The following RAB4B variants were observed in gnomAD, a reference collection of about 807,000 sequenced individuals.
RAB4B encodes RAB4B, member RAS oncogene family.
In RAB4B, 15 loss-of-function variants were observed where a neutral mutation model predicts 28.3. That is an observed-to-expected ratio of 0.53 (90% confidence interval 0.35 to 0.82). The LOEUF is 0.82. RAB4B is among the 40% of genes least tolerant of loss of function. The pLI is 0.01. For synonymous variants in RAB4B, 108 were observed against 116.3 expected (o/e 0.93, Z 0.46); for missense variants, 244 against 288.5 (o/e 0.85, Z 1.12).
intron 7 of RAB4B, among the ~76,000 whole-genome samples, chr19:40,790,519 C>T (rs533520274): frequency 8.5e-5 from 12 of 140,508 alleles, no homozygotes; most frequent in South Asian, 4.6e-4. Context: ...TACAGGCACC[C>T]GTCACCATGC....
At position 40,780,431 on chromosome 19, in the gene RAB4B, G is replaced by C; in HGVS notation, c.144G>C (p.Arg48=). The change falls in exon 3 of 8, where the codon CGG becomes CGC. Residue 48 remains arginine, a synonymous_variant. Transcript: ENST00000357052. ...NHTIGVEFGS[R]VVNVGGKTVK... ...CAATCGGCGTGGAGTTTGGATCCCGGGTGGTCAACGTGGGTGGGAAGACTG... is the reference window on the plus strand; with the variant it reads ...CAATCGGCGTGGAGTTTGGATCCCGCGTGGTCAACGTGGGTGGGAAGACTG... The C allele has an allele frequency of 6.2e-7, 1 of 1,613,644 alleles. No individual in the cohort carries two copies.
intron 7 of RAB4B, among the ~76,000 whole-genome samples, chr19:40,790,579 T>C (rs2083148212): frequency 6.6e-6 from 1 of 151,514 alleles, no homozygotes; most frequent in East Asian, 1.9e-4. Context: ...TTCACGGTGT[T>C]AGCCAGGATG....
At chr19:40,786,080 G>T (rs1383022173) in intron 5 of RAB4B, 1 of 143,006 alleles carries the variant, frequency 7.0e-6, no homozygotes, top group Non-Finnish European at 1.4e-5. Context: ...GGGATGGGGG[G>T]CAAGGGCAGA....
At chr19:40,793,386 C>T (rs981875969) in intron 7 of RAB4B, among the ~76,000 whole-genome samples, 3 of 151,784 alleles carry the variant, frequency 2.0e-5, no homozygotes, top group Admixed American at 1.3e-4. Context: ...TGGTGTGCAC[C>T]ACCACGCCCA....
At chr19:40,782,527 A>G (rs2083058420) in intron 3 of RAB4B, among the ~76,000 whole-genome samples, 2 of 152,162 alleles carry the variant, frequency 1.3e-5, no homozygotes, top group African/African-American at 4.8e-5. Context: ...AGGGAATTAA[A>G]TAGGGCCAGG....
At chr19:40,782,488 TGAAAC>T (rs1159401499) in intron 3 of RAB4B, among the ~76,000 whole-genome samples, 4 of 150,294 alleles carry the variant, frequency 2.7e-5, no homozygotes, top group Admixed American at 1.3e-4. Context: ...GCCACAGAGA[TGAAAC>T]AAACAAACAA....
At chr19:40,779,840 A>C (rs1346699749) in intron 1 of RAB4B, 179 bp from the exon 2 acceptor site, 1 of 1,409,346 alleles carries the variant, frequency 7.1e-7, no homozygotes, top group East Asian at 2.6e-5. Context: ...TGCCTGGCAC[A>C]TGGCAAGTAC....
At chr19:40,795,172 A>T (rs1279673793) in intron 7 of RAB4B, among the ~76,000 whole-genome samples, 1 of 146,538 alleles carries the variant, frequency 6.8e-6, no homozygotes, top group Non-Finnish European at 1.5e-5. Context: ...CCATCTCCAA[A>T]AAAAAAAAAA....
chr19:40,791,656 G>T (rs1438529728), intron 7 of RAB4B, among the ~76,000 whole-genome samples: 1 of 150,660 alleles, frequency 6.6e-6, no homozygotes, highest in Non-Finnish European at 1.5e-5. Context: ...GTTTTTTTTT[G>T]AGATAGAGTC....
At chr19:40,789,635 C>T (rs2083138647) in intron 7 of RAB4B, among the ~76,000 whole-genome samples, 1 of 151,896 alleles carries the variant, frequency 6.6e-6, no homozygotes, top group African/African-American at 2.4e-5. Flanking sequence ...TCCCGAGTAG[C>T]TGGGACTATA....
chr19:40,780,378 C>T lies in RAB4B; in HGVS notation c.98-7C>T, dbSNP rs771219317. ...TGTACTGCCCCTTCTGTTCCTCCTA[C>T]TCCCAGTCAAACAGGACTCCAACCA... On this transcript the variant is annotated splice_polypyrimidine_tract_variant and splice_region_variant and intron_variant, in intron 2 of 7. Transcript: ENST00000357052. The T allele has an allele frequency of 5.5e-5, 88 of 1,600,918 alleles. No homozygotes were observed. Among genetic ancestry groups the T allele is most frequent in the Non-Finnish European group, 7.2e-5 (85 of 1,173,504 alleles).
Position 40,778,319 on chromosome 19 carries a change from G to A in RAB4B, c.-57G>A, listed in dbSNP as rs976660701. Reference sequence around the variant, plus strand: ...AGCCGGAGTGGAGCGGCTGCCAGCCGAGGAGCAGGCGCGGCCGCGGCGCCA... The same window carrying A: ...AGCCGGAGTGGAGCGGCTGCCAGCCAAGGAGCAGGCGCGGCCGCGGCGCCA... On this transcript the variant is annotated 5_prime_UTR_variant, in exon 1 of 8. Coordinates refer to ENST00000357052, the MANE Select transcript of RAB4B (RefSeq NM_016154.5). 2 of 1,480,012 alleles carry A rather than the reference G, an allele frequency of 1.4e-6. No individual in the cohort carries two copies. The highest frequency in any genetic ancestry group is 2.4e-5 in the Admixed American group (1 of 41,684). 91.7% of individuals were successfully genotyped at this position (1,480,012 alleles called of 1,614,324 possible). A position where few individuals can be genotyped will look rare whatever the true frequency, so the allele number is the denominator to read the frequency against.
In RAB4B at chr19:40,786,889, G is replaced by A. The variant is rs768325395; in HGVS notation, c.568G>A (p.Gly190Arg). Reference sequence around the variant, plus strand: ...GAGGATGGGCTCTGGCATTCAGTACGGGGATGCGTCCCTCCGCCAGCTTCG... The same window carrying A: ...GAGGATGGGCTCTGGCATTCAGTACAGGGATGCGTCCCTCCGCCAGCTTCG... ...PERMGSGIQY[G>R]DASLRQLRQP... Residue 190 changes from glycine to arginine, a missense_variant, in exon 7 of 8, where the codon GGG (glycine) becomes AGG (arginine). Coordinates refer to ENST00000357052, the MANE Select transcript of RAB4B (RefSeq NM_016154.5). The A allele has an allele frequency of 5.0e-6, 8 of 1,613,994 alleles. No individual in the cohort carries two copies. Among genetic ancestry groups the A allele is most frequent in the Non-Finnish European group, 6.8e-6 (8 of 1,180,022 alleles).
intron 3 of RAB4B, among the ~76,000 whole-genome samples, chr19:40,782,053 GGAGAAACA>G: frequency 6.7e-6 from 1 of 150,130 alleles, no homozygotes; most frequent in East Asian, 2.0e-4. Context: ...TAGGAGAGTC[GGAGAAACA>G]GAGAGCAGGG....
intron 3 of RAB4B, among the ~76,000 whole-genome samples, chr19:40,783,020 C>A (rs1390397550): frequency 6.6e-6 from 1 of 151,744 alleles, no homozygotes; most frequent in African/African-American, 2.4e-5. Flanking sequence ...CATCTGTAAT[C>A]CTGGCTACTC....
chr19:40,791,097 C>T (rs2145060494), intron 7 of RAB4B, among the ~76,000 whole-genome samples: 1 of 152,216 alleles, frequency 6.6e-6, no homozygotes, highest in African/African-American at 2.4e-5. Flanking sequence ...CCTCGTGATC[C>T]ACCTGCCTCG....
At chr19:40,790,354 CTT>C (rs577816237) in intron 7 of RAB4B, among the ~76,000 whole-genome samples, 49 of 141,634 alleles carry the variant, frequency 3.5e-4, no homozygotes, top group Non-Finnish European at 3.3e-4. Context: ...TGGCCTCTCT[CTT>C]TTTTTTTTTT....
chr19:40,780,774 C>G (rs1274928818), intron 3 of RAB4B, among the ~76,000 whole-genome samples: 2 of 151,706 alleles, frequency 1.3e-5, no homozygotes, highest in Non-Finnish European at 2.9e-5. Context: ...TTGCCTGAGC[C>G]CAGGAGTTTG....
intron 7 of RAB4B, 30 bp downstream of exon 7, chr19:40,787,008 G>A (rs764060334): frequency 3.1e-6 from 5 of 1,588,490 alleles, no homozygotes; most frequent in South Asian, 2.2e-5. Flanking sequence ...AGGGAGGCAG[G>A]GCGGCCTCTT....
Sources: allele counts gnomAD v4.1 joint callset (sites outside exome capture counted in the v4.1 genomes callset), GRCh38; gene constraint gnomAD v4.1.1; transcripts MANE v1.5; gene names NCBI Gene and HGNC (gene_info 2026-07-23, HGNC 2026-07-21).